The following CAMK4 variants were observed in gnomAD, a reference collection of about 807,000 sequenced individuals.
CAMK4 encodes calcium/calmodulin-dependent protein kinase type IV.
A neutral mutation model predicts 44.9 loss-of-function variants in CAMK4; 22 were observed. That is an observed-to-expected ratio of 0.49 (90% CI 0.35 to 0.70). CAMK4 has a LOEUF of 0.70. CAMK4 is among the 30% of genes least tolerant of loss of function. The pLI is 0.01. For missense variants in CAMK4, 498 were observed against 586.8 expected, an observed-to-expected ratio of 0.85 and a Z score of 1.56; for synonymous variants, 218 against 215.4, an observed-to-expected ratio of 1.01 and a Z score of -0.11.
At chr5:111,244,516 G>A (rs898012519) in intron 1 of CAMK4, among the ~76,000 whole-genome samples, 6 of 152,136 alleles carry the variant, frequency 3.9e-5, no homozygotes, top group Admixed American at 3.3e-4. Context: ...GAAGATACTA[G>A]TTAAATATGC....
intron 1 of CAMK4, among the ~76,000 whole-genome samples, chr5:111,312,659 C>T (rs1561403328): frequency 6.6e-6 from 1 of 152,102 alleles, no homozygotes; most frequent in East Asian, 1.9e-4. Flanking sequence ...ACTTCAACCA[C>T]AAATTAAATA....
intron 1 of CAMK4, among the ~76,000 whole-genome samples, chr5:111,283,358 T>C (rs1751101516): frequency 6.6e-6 from 1 of 152,188 alleles, no homozygotes; most frequent in Non-Finnish European, 1.5e-5. Flanking sequence ...AATTAAGATA[T>C]TCTAAAACCT....
chr5:111,320,584 A>G (rs1160386473), intron 1 of CAMK4, among the ~76,000 whole-genome samples: 1 of 152,044 alleles, frequency 6.6e-6, no homozygotes, highest in Non-Finnish European at 1.5e-5. Context: ...TCTGCTCACC[A>G]CAACCTCCGC....
At chr5:111,429,517 A>G (rs764093918) in intron 5 of CAMK4, among the ~76,000 whole-genome samples, 1 of 152,074 alleles carries the variant, frequency 6.6e-6, no homozygotes, top group African/African-American at 2.4e-5. Flanking sequence ...TTGTAATCCC[A>G]GTACTTTGAG....
In CAMK4 at chr5:111,242,903, G is replaced by T. The variant is rs188721043; in HGVS notation, c.161+18259G>T. ...CCTTTTCTGATTCAGGATAGTGCAG[G>T]TGTCATCTCGGGAAGCCCTGCTTGG... On this transcript the variant is annotated intron_variant, in intron 1 of 10. Transcript: ENST00000282356. Among the ~76,000 whole-genome samples, 33 of 152,088 alleles carry T rather than the reference G, an allele frequency of 2.2e-4. 1 individual carries two copies. Among genetic ancestry groups the T allele is most frequent in the East Asian group, 1.7e-3 (9 of 5,160 alleles).
chr5:111,467,904 C>G (rs926494483), intron 7 of CAMK4, among the ~76,000 whole-genome samples: 2 of 149,316 alleles, frequency 1.3e-5, no homozygotes, highest in African/African-American at 2.5e-5. Context: ...GCCCAAATGG[C>G]TATCAATCAG....
intron 1 of CAMK4, among the ~76,000 whole-genome samples, chr5:111,232,409 C>G (rs1748520274): frequency 6.6e-6 from 1 of 151,914 alleles, no homozygotes; most frequent in African/African-American, 2.4e-5. Flanking sequence ...AGGTAGAGCA[C>G]TGGCAAACAG....
At chr5:111,251,089 G>A (rs1749469399) in intron 1 of CAMK4, among the ~76,000 whole-genome samples, 2 of 152,228 alleles carry the variant, frequency 1.3e-5, no homozygotes, top group Non-Finnish European at 2.9e-5. Context: ...TCAAAAGTGG[G>A]AGACATTGCT....
At chr5:111,329,828 G>A (rs192073241) in intron 1 of CAMK4, among the ~76,000 whole-genome samples, 1 of 151,654 alleles carries the variant, frequency 6.6e-6, no homozygotes, top group Non-Finnish European at 1.5e-5. Context: ...AAGTAAGAAA[G>A]AAAGGGAATT....
chr5:111,318,714 G>A (rs1748537341), intron 1 of CAMK4, among the ~76,000 whole-genome samples: 1 of 152,096 alleles, frequency 6.6e-6, no homozygotes, highest in Admixed American at 6.6e-5. Context: ...AGATAATTGT[G>A]TTAATAAAGA....
intron 5 of CAMK4, among the ~76,000 whole-genome samples, chr5:111,434,918 C>A (rs561084912): frequency 6.6e-6 from 1 of 152,326 alleles, no homozygotes; most frequent in African/African-American, 2.4e-5. Context: ...GAGATTCAAA[C>A]TTCCTCCTAC....
intron 5 of CAMK4, among the ~76,000 whole-genome samples, chr5:111,407,794 G>A (rs950540584): frequency 8.5e-5 from 13 of 152,214 alleles, no homozygotes; most frequent in Non-Finnish European, 1.5e-4. Context: ...ATGTGCAATA[G>A]CCTCTACCTA....
At chr5:111,243,410 C>G (rs1421589390) in intron 1 of CAMK4, among the ~76,000 whole-genome samples, 1 of 152,150 alleles carries the variant, frequency 6.6e-6, no homozygotes, top group African/African-American at 2.4e-5. Flanking sequence ...GCCAGATTGA[C>G]TTAGCAAGGT....
chr5:111,392,532 A>C (rs1751839809), intron 4 of CAMK4, among the ~76,000 whole-genome samples: 1 of 152,144 alleles, frequency 6.6e-6, no homozygotes, highest in African/African-American at 2.4e-5. Context: ...CAAACCAAAA[A>C]AGAAGAAACT....
chr5:111,370,674 T>C (rs1750968844), intron 2 of CAMK4, among the ~76,000 whole-genome samples: 1 of 152,130 alleles, frequency 6.6e-6, no homozygotes, highest in Non-Finnish European at 1.5e-5. Flanking sequence ...CCCAGCACTT[T>C]GGGAGGCCGA....
chr5:111,466,995 T>C (rs1445917561), intron 7 of CAMK4, among the ~76,000 whole-genome samples: 1 of 152,142 alleles, frequency 6.6e-6, no homozygotes, highest in African/African-American at 2.4e-5. Context: ...AATAGGCACA[T>C]AGCTCGATGG....
chr5:111,310,629 A>G (rs1748161785), intron 1 of CAMK4, among the ~76,000 whole-genome samples: 1 of 152,220 alleles, frequency 6.6e-6, no homozygotes, highest in African/African-American at 2.4e-5. Context: ...GAACTCCTCA[A>G]CAAAGACAGC....
At chr5:111,327,951 G>T (rs12189184) in intron 1 of CAMK4, among the ~76,000 whole-genome samples, 82,516 of 97,560 alleles carry the variant, frequency 0.85, 37,146 homozygotes, top group South Asian at 0.9. Flanking sequence ...TTTCTCCCAT[G>T]TCGTAGGTTG....
At position 111,389,589 on chromosome 5, in the gene CAMK4, C is replaced by A. The variant is rs147101988; in HGVS notation, c.387-5121C>A. Among the ~76,000 whole-genome samples, 8 of 152,270 alleles carry A rather than the reference C, an allele frequency of 5.3e-5. No homozygotes were observed. The East Asian group carries it at 1.5e-3, about 29-fold the overall frequency. ...TGGCTCTCTTCAACCACAAGGAGTG[C>A]CATTTGCATGAGTAGTGCCCTCTGG... On this transcript the variant is annotated intron_variant, in intron 4 of 10. Coordinates refer to ENST00000282356, the MANE Select transcript of CAMK4 (RefSeq NM_001744.6).
Sources: allele counts gnomAD v4.1 joint callset (sites outside exome capture counted in the v4.1 genomes callset), GRCh38; gene constraint gnomAD v4.1.1; transcripts MANE v1.5; gene names NCBI Gene and HGNC (gene_info 2026-07-23, HGNC 2026-07-21).